DAPK3: variants seen among roughly 807,000 people sequenced by gnomAD.
The protein encoded by DAPK3 is death-associated protein kinase 3.
DAPK3 carries 24 observed loss-of-function variants against 30.6 expected under a neutral mutation model. The observed-to-expected ratio is 0.78, with a 90% confidence interval of 0.57 to 1.10. The LOEUF (loss-of-function observed/expected upper bound fraction) is 1.10, where lower values mean the gene tolerates loss of function less well. DAPK3 is among the 50% of genes least tolerant of loss of function. The pLI is 0.00. For missense variants in DAPK3, 629 were observed against 657.3 expected, an observed-to-expected ratio of 0.96 and a Z score of 0.47; for synonymous variants, 341 against 284.0, an observed-to-expected ratio of 1.20 and a Z score of -2.02.
At chr19:3,968,261 G>A (rs991385938) in intron 2 of DAPK3, among the ~76,000 whole-genome samples, 4 of 152,178 alleles carry the variant, frequency 2.6e-5, no homozygotes, top group Non-Finnish European at 1.5e-5. Flanking sequence ...TTGGGAGGCC[G>A]AGGCAGGTGA....
Position 3,969,739 on chromosome 19 carries a change from G to C in DAPK3, c.-4C>G. On this transcript the variant is annotated 5_prime_UTR_variant, in exon 2 of 9. Transcript: ENST00000545797. ...CCTCCTGCCTGAACGTGGACATGGC[G>C]GCCGGTCCGCCTTCCAGCAGCTTCC... The C allele has an allele frequency of 6.2e-7, 1 of 1,609,596 alleles. No homozygotes were observed. The highest frequency in any genetic ancestry group is 8.5e-7 in the Non-Finnish European group (1 of 1,177,592).
Position 3,963,669 on chromosome 19 carries a change from C to G in DAPK3, c.603G>C (p.Trp201Cys). The change falls in exon 6 of 9, where the codon TGG becomes TGC. Residue 201 changes from tryptophan to cysteine, a missense_variant and splice_region_variant. Trp to Cys is a radical substitution (Grantham distance 215, BLOSUM62 -2). Coordinates refer to ENST00000545797, the MANE Select transcript of DAPK3 (RefSeq NM_001348.3). Reference protein sequence around the residue: ...YEPLGLEADMWSIGVITYILL... With the variant: ...YEPLGLEADMCSIGVITYILL... The stretch of plus-strand genomic sequence containing the variant: ...GGATATAGGTGATGACACCGATGCT[C>G]CTGGGGACAGACAAGAGGCAAGGGT... The G allele has an allele frequency of 6.5e-7, 1 of 1,537,342 alleles. No homozygotes were observed. Among genetic ancestry groups the G allele is most frequent in the Non-Finnish European group, 8.8e-7 (1 of 1,142,668 alleles).
chr19:3,966,154 G>A (rs1204053021), intron 2 of DAPK3, among the ~76,000 whole-genome samples: 1 of 152,184 alleles, frequency 6.6e-6, no homozygotes, highest in Non-Finnish European at 1.5e-5. Flanking sequence ...CAGTCAGTCA[G>A]TGGCGGGAGG....
intron 2 of DAPK3, among the ~76,000 whole-genome samples, chr19:3,966,038 C>A (rs1355853736): frequency 6.6e-6 from 1 of 152,110 alleles, no homozygotes; most frequent in Admixed American, 6.6e-5. Flanking sequence ...TCCCACTCCC[C>A]CACCCCAAGT....
chr19:3,961,359 C>CA, intron 6 of DAPK3, 198 bp from the exon 7 acceptor site: 1 of 726,238 alleles, frequency 1.4e-6, no homozygotes, highest in Non-Finnish European at 2.6e-6. Context: ...TCCACCCCCC[C>CA]ACCCCGCCAC....
At chr19:3,966,104 C>G (rs1226713511) in intron 2 of DAPK3, among the ~76,000 whole-genome samples, 1 of 152,138 alleles carries the variant, frequency 6.6e-6, no homozygotes, top group Non-Finnish European at 1.5e-5. Flanking sequence ...TTTAAAGAAA[C>G]CAAGGCTGAG....
intron 7 of DAPK3, among the ~76,000 whole-genome samples, chr19:3,960,770 C>T (rs981203636): frequency 1.9e-5 from 2 of 107,672 alleles, no homozygotes; most frequent in Non-Finnish European, 3.4e-5. Context: ...GGAGACAGAG[C>T]AAGACTCCGT....
intron 1 of DAPK3, chr19:3,970,662 T>C: frequency 6.7e-6 from 1 of 148,744 alleles, no homozygotes; most frequent in Non-Finnish European, 1.5e-5. Context: ...AACCGCCGTC[T>C]CCCCTACCCC....
chr19:3,959,831 T>G (rs2039484697), intron 8 of DAPK3, 194 bp from the exon 9 acceptor site: 1 of 688,558 alleles, frequency 1.5e-6, no homozygotes, highest in Non-Finnish European at 2.4e-6. Flanking sequence ...GCCCCAGGAG[T>G]CAGCCCCGTT....
At chr19:3,961,740 G>C (rs1290405820) in intron 6 of DAPK3, 1 of 338,800 alleles carries the variant, frequency 3.0e-6, no homozygotes, top group Non-Finnish European at 5.9e-6. Flanking sequence ...ATGAAAGCCA[G>C]ACAGAGGAAC....
rs1190048528 is a variant in DAPK3, at chr19:3,959,262, C to T, written c.1204G>A (p.Ala402Thr). Residue 402 changes from alanine to threonine, a missense_variant, in exon 9 of 9, where the codon GCG (alanine) becomes ACG (threonine). This residue lies in a region of DAPK3 where 323 missense variants were observed against 278.8 expected (regional missense o/e 1.16). Coordinates refer to ENST00000545797, the MANE Select transcript of DAPK3 (RefSeq NM_001348.3). ...TTGAGGCCGCTGGTCCCCAGCAGCG[C>T]GCCCTTGGCCTCCTCCTGCGCCTGC... ...KRQAQEEAKG[A>T]LLGTSGLKRR... 3.1e-6 allele frequency: 5 copies of T among 1,599,148 alleles called. No homozygotes were observed. In the Admixed American group the frequency reaches 5.0e-5, roughly 16 times the overall value.
intron 8 of DAPK3, 35 bp downstream of exon 8, chr19:3,960,024 G>A (rs1374999071): frequency 1.6e-6 from 2 of 1,247,050 alleles, no homozygotes; most frequent in Admixed American, 1.7e-5. Flanking sequence ...GGCCAAGGCG[G>A]GAAGCCCAGG....
intron 2 of DAPK3, among the ~76,000 whole-genome samples, chr19:3,968,189 G>A (rs530949643): frequency 3.9e-5 from 6 of 152,180 alleles, no homozygotes; most frequent in Non-Finnish European, 5.9e-5. Flanking sequence ...TTTGGGGAAG[G>A]CCATTTAAGA....
In DAPK3 at chr19:3,960,061, T is replaced by C; in HGVS notation, c.826A>G (p.Lys276Glu). The change falls in exon 8 of 9, where the codon AAG becomes GAG. Residue 276 changes from lysine to glutamate, a missense_variant and splice_region_variant. Physicochemically the swap from Lys to Glu is moderately conservative, Grantham distance 56. Transcript: ENST00000545797. ...IAQSLEHSWI[K>E]AIRRRNVRGE... is the part of the protein sequence containing the mutation. ...AGCTCCCCCACCTCCCCACTTACCT[T>C]AATCCAGGAATGTTCCAGGCTCTGG... 6.5e-7 allele frequency: 1 copy of C among 1,548,710 alleles called. No individual in the cohort carries two copies. The highest frequency in any genetic ancestry group is 8.9e-7 in the Non-Finnish European group (1 of 1,120,802).
intron 3 of DAPK3, 43 bp downstream of exon 3, chr19:3,964,588 C>T: frequency 6.4e-7 from 1 of 1,562,408 alleles, no homozygotes. Flanking sequence ...ATCCCCACCC[C>T]CACACTGGCC....
chr19:3,964,568 T>TGCCCCCC, intron 3 of DAPK3, 63 bp downstream of exon 3: 265 of 1,320,964 alleles, frequency 2.0e-4, no homozygotes, highest in Non-Finnish European at 2.5e-4. Context: ...TCCAGGCTCT[T>TGCCCCCC]CCCCGCCCCA....
Position 3,971,049 on chromosome 19 carries a change from C to G in DAPK3, c.-223G>C, listed in dbSNP as rs2039628853. ...TCCGCAGCCCGGAGAATACGGCCGGCGCCGCCGCGCTGGCCACCGCCGCCG... is the reference window on the plus strand; with the variant it reads ...TCCGCAGCCCGGAGAATACGGCCGGGGCCGCCGCGCTGGCCACCGCCGCCG... On this transcript the variant is annotated 5_prime_UTR_variant, in exon 1 of 9. Coordinates refer to ENST00000545797, the MANE Select transcript of DAPK3 (RefSeq NM_001348.3). The G allele has an allele frequency of 6.5e-6, 1 of 154,100 alleles. No individual in the cohort carries two copies. Among genetic ancestry groups the G allele is most frequent in the African/African-American group, 2.4e-5 (1 of 41,434 alleles). 9.5% of individuals were successfully genotyped at this position (154,100 alleles called of 1,614,324 possible). A position where few individuals can be genotyped will look rare whatever the true frequency, so the allele number is the denominator to read the frequency against.
chr19:3,963,780 A>G (rs1308761043), intron 5 of DAPK3, 91 bp downstream of exon 5: 3 of 1,234,972 alleles, frequency 2.4e-6, no homozygotes, highest in Admixed American at 2.0e-5. Context: ...ATACCCCAAC[A>G]GCAGCAAGGC....
rs546511009 is a variant in DAPK3, at chr19:3,963,597, T to C, written c.629+46A>G. 1.4e-5 allele frequency: 19 copies of C among 1,314,754 alleles called. No individual in the cohort carries two copies. The African/African-American group carries it at 2.0e-4, about 14-fold the overall frequency. 81.4% of individuals were successfully genotyped at this position (1,314,754 alleles called of 1,614,324 possible). The stretch of plus-strand genomic sequence containing the variant: ...TGAGACACACGGAGCCGGGGACCCA[T>C]GCCAGCTGTGTTGCACAGCCGAGGG... On this transcript the variant is annotated intron_variant, in intron 6 of 8. Coordinates refer to ENST00000545797, the MANE Select transcript of DAPK3 (RefSeq NM_001348.3).
Sources: gnomAD v4.1 joint callset for allele counts (sites outside exome capture counted in the v4.1 genomes callset) on GRCh38, gnomAD v4.1.1 for gene constraint, gnomAD v4.1.1 regional missense constraint, MANE v1.5 for transcripts, NCBI Gene and HGNC (gene_info 2026-07-23, HGNC 2026-07-21) for gene names.